WWOX: variants seen among roughly 807,000 people sequenced by gnomAD.
WWOX encodes the protein WW domain-containing oxidoreductase.
A neutral mutation model predicts 46.2 loss-of-function variants in WWOX; 69 were observed. That is an observed-to-expected ratio of 1.49 (90% confidence interval 1.23 to 1.82). WWOX has a LOEUF of 1.82. Ranked by LOEUF, WWOX falls within the 40% of genes most tolerant of loss-of-function variation. WWOX has a pLI of 0.00. For synonymous variants in WWOX, 359 were observed against 202.6 expected (o/e 1.77, Z -6.56); for missense variants, 919 against 542.6 (o/e 1.69, Z -6.89).
Position 78,153,631 on chromosome 16 carries a change from C to G in WWOX, c.410-10552C>G, listed in dbSNP as rs1156472180. 4.6e-5 allele frequency among the ~76,000 whole-genome samples: 7 copies of G among 152,186 alleles called. No homozygotes were observed. The East Asian group carries it at 1.4e-3, about 29-fold the overall frequency. On this transcript the variant is annotated intron_variant, in intron 4 of 8. Coordinates refer to ENST00000566780, the MANE Select transcript of WWOX (RefSeq NM_016373.4). ...CGGGGCTGGAGGGGGCTGGAAATCA[C>G]CATCTCTGTGGCCTTTTAATTGTGC...
intron 4 of WWOX, among the ~76,000 whole-genome samples, chr16:78,150,464 G>T (rs998728127): frequency 1.3e-5 from 2 of 152,072 alleles, no homozygotes; most frequent in Non-Finnish European, 2.9e-5. Context: ...TTACAGCCAG[G>T]ACCTCCCAGG....
intron 8 of WWOX, among the ~76,000 whole-genome samples, chr16:78,987,692 C>T (rs1175271858): frequency 6.6e-6 from 1 of 152,162 alleles, no homozygotes; most frequent in African/African-American, 2.4e-5. Flanking sequence ...TGTTCAGAGG[C>T]AGAGTAACGT....
At chr16:78,994,969 C>CTTTTTT (rs869088414) in intron 8 of WWOX, among the ~76,000 whole-genome samples, 128 of 114,626 alleles carry the variant, frequency 1.1e-3, no homozygotes, top group East Asian at 2.0e-3. Flanking sequence ...TCTTCTTCTT[C>CTTTTTT]TTTTTTTTTT....
At position 78,589,096 on chromosome 16, in the gene WWOX, C is replaced by A. The variant is rs567465608; in HGVS notation, c.1056+156344C>A. Among the ~76,000 whole-genome samples, 8 of 152,266 alleles carry A rather than the reference C, an allele frequency of 5.3e-5. No individual in the cohort carries two copies. The East Asian group carries it at 1.4e-3, about 26-fold the overall frequency. ...TTCTCCCACTGTTGTACTTGTTTCT[C>A]CCTCAACCAATTGTATTTTAGCTCT... On this transcript the variant is annotated intron_variant, in intron 8 of 8. Transcript: ENST00000566780.
At chr16:78,395,825 T>C (rs996994147) in intron 6 of WWOX, among the ~76,000 whole-genome samples, 2 of 152,200 alleles carry the variant, frequency 1.3e-5, no homozygotes, top group East Asian at 3.8e-4. Context: ...TGGAAAGCCA[T>C]GGACCCAAGG....
chr16:78,810,371 A>G (rs1124597), intron 8 of WWOX, among the ~76,000 whole-genome samples: 15,541 of 152,238 alleles, frequency 0.1, 806 homozygotes, highest in South Asian at 0.11. Context: ...ATGTGGACAC[A>G]TGCAGCCACA....
chr16:79,133,899 G>C (rs1358783968), intron 8 of WWOX, among the ~76,000 whole-genome samples: 2 of 152,192 alleles, frequency 1.3e-5, no homozygotes, highest in Non-Finnish European at 2.9e-5. Flanking sequence ...GATTTTTTTG[G>C]GGGCATTTGT....
At chr16:78,304,188 C>T (rs1046754735) in intron 5 of WWOX, among the ~76,000 whole-genome samples, 3 of 152,174 alleles carry the variant, frequency 2.0e-5, no homozygotes, top group Non-Finnish European at 4.4e-5. Flanking sequence ...CTGAGGGATT[C>T]GTTAATAACC....
intron 8 of WWOX, among the ~76,000 whole-genome samples, chr16:78,743,907 C>G (rs538641159): frequency 8.5e-4 from 130 of 152,320 alleles, no homozygotes; most frequent in African/African-American, 3.1e-3. Context: ...TAACCAGGCT[C>G]TTGAGCCTCT....
At chr16:78,515,719 C>T (rs1028606139) in intron 8 of WWOX, among the ~76,000 whole-genome samples, 1 of 152,176 alleles carries the variant, frequency 6.6e-6, no homozygotes, top group African/African-American at 2.4e-5. Flanking sequence ...TGCGCGTTGC[C>T]CGTTGCCCTA....
chr16:78,853,589 AT>A (rs1486546596), intron 8 of WWOX, among the ~76,000 whole-genome samples: 1 of 151,970 alleles, frequency 6.6e-6, no homozygotes, highest in Non-Finnish European at 1.5e-5. Context: ...GAATCTTTGT[AT>A]TTTCTTCTCA....
intron 8 of WWOX, among the ~76,000 whole-genome samples, chr16:78,870,067 AGTATTG>A (rs1419200517): frequency 6.6e-6 from 1 of 152,224 alleles, no homozygotes; most frequent in Non-Finnish European, 1.5e-5. Flanking sequence ...CATTGATCAA[AGTATTG>A]GTCTGTCACC....
chr16:78,237,825 C>T (rs1385193648), intron 5 of WWOX: 1 of 152,082 alleles, frequency 6.6e-6, no homozygotes, highest in Non-Finnish European at 1.5e-5. Flanking sequence ...ATGTAAATAC[C>T]TCTGTAATAG....
intron 8 of WWOX, chr16:78,897,758 A>C (rs561194004): frequency 1.3e-5 from 2 of 148,946 alleles, no homozygotes; most frequent in African/African-American, 5.2e-5. Context: ...CAGTTGTCTA[A>C]AGTAATTGTA....
intron 5 of WWOX, among the ~76,000 whole-genome samples, chr16:78,255,090 A>G (rs889015079): frequency 1.5e-4 from 23 of 152,304 alleles, no homozygotes; most frequent in African/African-American, 5.5e-4. Flanking sequence ...CCTTTATGCT[A>G]AGTTCTCACA....
At chr16:78,164,770 A>G (rs984545558) in intron 5 of WWOX, among the ~76,000 whole-genome samples, 4 of 152,222 alleles carry the variant, frequency 2.6e-5, no homozygotes, top group South Asian at 2.1e-4. Context: ...ACGAAACAGA[A>G]TCCCTGCCCT....
At chr16:79,019,102 G>A (rs1040073798) in intron 8 of WWOX, among the ~76,000 whole-genome samples, 2 of 134,060 alleles carry the variant, frequency 1.5e-5, no homozygotes, top group Non-Finnish European at 3.1e-5. Context: ...AGGTTGCTGT[G>A]AGGCAAGATC....
intron 5 of WWOX, among the ~76,000 whole-genome samples, chr16:78,286,331 G>A (rs1201023762): frequency 1.3e-5 from 2 of 152,240 alleles, no homozygotes; most frequent in Non-Finnish European, 2.9e-5. Flanking sequence ...ATGTTTTGAA[G>A]TAGATTTTTT....
At chr16:78,783,352 G>GA (rs1439629793) in intron 8 of WWOX, among the ~76,000 whole-genome samples, 1 of 152,348 alleles carries the variant, frequency 6.6e-6, no homozygotes, top group Non-Finnish European at 1.5e-5. Flanking sequence ...GGCTGATGGA[G>GA]AGGGCCTACA....
Sources: allele counts gnomAD v4.1 joint callset (sites outside exome capture counted in the v4.1 genomes callset), GRCh38; gene constraint gnomAD v4.1.1; transcripts MANE v1.5; gene names NCBI Gene and HGNC (gene_info 2026-07-23, HGNC 2026-07-21).